Variants in BMPER observed in about 807,000 individuals in gnomAD.
The protein encoded by BMPER is BMP-binding endothelial regulator protein.
A neutral mutation model predicts 87.3 loss-of-function variants in BMPER; 45 were observed. The ratio of observed to expected loss-of-function variants is 0.52; its 90% CI spans 0.41 to 0.66. BMPER has a LOEUF of 0.66. Among genes scored for constraint, BMPER ranks in the 30% least tolerant of loss-of-function variants. BMPER has a pLI of 0.00. For missense variants in BMPER, 784 were observed against 867.5 expected (o/e 0.90, Z 1.21); for synonymous variants, 326 against 316.2 (o/e 1.03, Z -0.33).
intron 2 of BMPER, among the ~76,000 whole-genome samples, chr7:33,916,687 T>C (rs1784093425): frequency 6.6e-6 from 1 of 152,210 alleles, no homozygotes; most frequent in Non-Finnish European, 1.5e-5. Flanking sequence ...TGCCTTGTAG[T>C]GTAGTGAGTT....
chr7:33,996,799 C>A (rs892506216), intron 6 of BMPER, among the ~76,000 whole-genome samples: 4 of 152,072 alleles, frequency 2.6e-5, no homozygotes, highest in Non-Finnish European at 5.9e-5. Flanking sequence ...CCCATATATC[C>A]AAAATATTAT....
At position 33,974,721 on chromosome 7, in the gene BMPER, G is replaced by A. The variant is rs755747983; in HGVS notation, c.513G>A (p.Val171=). 37 of 1,613,900 alleles carry A rather than the reference G, an allele frequency of 2.3e-5. 1 individual carries two copies. In the East Asian group the frequency reaches 8.2e-4, roughly 36 times the overall value. ...PTCPGCVFEG[V]QYQEGEEFQP... is the part of the protein sequence containing the mutation. The stretch of plus-strand genomic sequence containing the variant: ...TTCCAGGCTGTGTGTTTGAGGGTGT[G>A]CAGTATCAAGAAGGGGAGGAATTTC... Residue 171 remains valine (V), a synonymous_variant, in exon 6 of 15, where the codon GTG becomes GTA. Transcript: ENST00000649409.
In BMPER at chr7:33,908,872, C is replaced by T. The variant is rs369406008; in HGVS notation, c.219+1969C>T. Among the ~76,000 whole-genome samples the T allele has an allele frequency of 2.6e-3, 391 of 152,250 alleles. 1 individual carries two copies. The highest frequency in any genetic ancestry group is 8.2e-3 in the African/African-American group (341 of 41,550). On this transcript the variant is annotated intron_variant, in intron 2 of 14. Transcript: ENST00000649409. Reference sequence around the variant, plus strand: ...GTCACAGTCATTGCTGCTTCCCAAACGTTTGTAATGACTTGGTAAAATTGA... The same window carrying T: ...GTCACAGTCATTGCTGCTTCCCAAATGTTTGTAATGACTTGGTAAAATTGA...
chr7:34,099,359 A>G (rs753874491), intron 13 of BMPER, among the ~76,000 whole-genome samples: 1 of 152,216 alleles, frequency 6.6e-6, no homozygotes, highest in Non-Finnish European at 1.5e-5. Flanking sequence ...TTTCTAAACT[A>G]TGCTAAAACA....
At chr7:33,942,006 A>T (rs1189082077) in intron 3 of BMPER, among the ~76,000 whole-genome samples, 2 of 151,988 alleles carry the variant, frequency 1.3e-5, no homozygotes, top group Non-Finnish European at 2.9e-5. Flanking sequence ...CGTGTACCTA[A>T]CATAGTGCAG....
chr7:34,098,372 C>A (rs1287166168), intron 13 of BMPER, among the ~76,000 whole-genome samples: 3 of 152,118 alleles, frequency 2.0e-5, no homozygotes, highest in Non-Finnish European at 4.4e-5. Flanking sequence ...GAACAGCCAA[C>A]AGGATGTATC....
intron 12 of BMPER, among the ~76,000 whole-genome samples, chr7:34,083,610 A>C (rs74538414): frequency 1.3e-5 from 2 of 152,142 alleles, no homozygotes; most frequent in Non-Finnish European, 2.9e-5. Flanking sequence ...CTCTTGTGGC[A>C]GTTGTATGAC....
intron 13 of BMPER, among the ~76,000 whole-genome samples, chr7:34,104,201 GT>G (rs1443971578): frequency 1.3e-5 from 2 of 152,096 alleles, no homozygotes; most frequent in Non-Finnish European, 2.9e-5. Flanking sequence ...TTGATGAGTC[GT>G]CCCCCCTTTC....
chr7:33,949,191 G>A (rs1242187510), intron 3 of BMPER, among the ~76,000 whole-genome samples: 2 of 152,058 alleles, frequency 1.3e-5, no homozygotes, highest in Non-Finnish European at 1.5e-5. Flanking sequence ...TATTACTGCA[G>A]CAGTGTTCCA....
At chr7:34,111,108 T>C (rs142485670) in intron 13 of BMPER, among the ~76,000 whole-genome samples, 63 of 152,362 alleles carry the variant, frequency 4.1e-4, no homozygotes, top group African/African-American at 1.4e-3. Flanking sequence ...TTCAGTGACA[T>C]GGTCCTGTTA....
rs758194180 is a variant in BMPER at position 33,970,406 on chromosome 7, C to T, written c.480C>T (p.Cys160=). 1.2e-6 allele frequency: 2 copies of T among 1,613,984 alleles called. No individual in the cohort carries two copies. Among genetic ancestry groups the T allele is most frequent in the South Asian group, 1.1e-5 (1 of 91,080 alleles). ...KNPLEHLGMC[C]PTCPGCVFEG... is the part of the protein sequence containing the mutation. ...CTTTGGAGCATCTGGGAATGTGCTG[C>T]CCCACATGTCCAGGTAACGTTCTCA... is the stretch of plus-strand genomic sequence containing the variant. The change falls in exon 5 of 15, where the codon TGC becomes TGT. Residue 160 remains cysteine, a synonymous_variant. Transcript: ENST00000649409.
rs181267175 is a variant in BMPER, at chr7:34,029,937, G to A, written c.577-16369G>A. On this transcript the variant is annotated intron_variant, in intron 6 of 14. Coordinates refer to ENST00000649409, the MANE Select transcript of BMPER (RefSeq NM_001365308.1). ...AATATTCCAGAAATGCCAGACATTG[G>A]TAGGGTGACCTGGTTTATAGAATTG... Among the ~76,000 whole-genome samples the A allele has an allele frequency of 6.6e-5, 10 of 152,126 alleles. No homozygotes were observed. The East Asian group carries it at 1.7e-3, about 27-fold the overall frequency.
At chr7:33,953,392 G>A (rs966065120) in intron 3 of BMPER, among the ~76,000 whole-genome samples, 3 of 152,202 alleles carry the variant, frequency 2.0e-5, no homozygotes, top group African/African-American at 7.2e-5. Context: ...AGTAGATGGG[G>A]AATCAATTAT....
At chr7:33,930,769 T>G (rs1026162353) in intron 2 of BMPER, among the ~76,000 whole-genome samples, 2 of 152,044 alleles carry the variant, frequency 1.3e-5, no homozygotes, top group Non-Finnish European at 2.9e-5. Context: ...AGTGAGGCCT[T>G]GTGTCTACAA....
intron 3 of BMPER, among the ~76,000 whole-genome samples, chr7:33,958,856 C>G (rs1785205689): frequency 6.6e-6 from 1 of 152,134 alleles, no homozygotes; most frequent in African/African-American, 2.4e-5. Flanking sequence ...ACCCAAATCT[C>G]ACTTTGAATT....
At chr7:33,983,036 A>G (rs553517411) in intron 6 of BMPER, among the ~76,000 whole-genome samples, 2 of 152,356 alleles carry the variant, frequency 1.3e-5, no homozygotes, top group South Asian at 4.1e-4. Context: ...TGAAATGTTC[A>G]TGAGCATAGT....
chr7:34,015,520 C>G (rs1486940497), intron 6 of BMPER, among the ~76,000 whole-genome samples: 1 of 151,946 alleles, frequency 6.6e-6, no homozygotes, highest in Non-Finnish European at 1.5e-5. Flanking sequence ...CACATGGACA[C>G]AAGCAACCCC....
At chr7:33,995,267 A>G (rs1220500617) in intron 6 of BMPER, among the ~76,000 whole-genome samples, 1 of 152,196 alleles carries the variant, frequency 6.6e-6, no homozygotes, top group Non-Finnish European at 1.5e-5. Context: ...CCTCATATGT[A>G]TCTAGGATAA....
intron 11 of BMPER, among the ~76,000 whole-genome samples, chr7:34,069,051 G>A (rs1257256826): frequency 6.6e-6 from 1 of 152,182 alleles, no homozygotes; most frequent in East Asian, 1.9e-4. Context: ...TCAAAAGAAT[G>A]CATTTTATAT....
Sources: gnomAD v4.1 joint callset for allele counts (sites outside exome capture counted in the v4.1 genomes callset) on GRCh38, gnomAD v4.1.1 for gene constraint, MANE v1.5 for transcripts, NCBI Gene and HGNC (gene_info 2026-07-23, HGNC 2026-07-21) for gene names.